AGBL5: variants seen among roughly 807,000 people sequenced by gnomAD.
AGBL5 encodes the protein cytosolic carboxypeptidase-like protein 5.
Under a neutral mutation model 88.0 loss-of-function variants are expected in AGBL5, and 51 were observed. The ratio of observed to expected loss-of-function variants is 0.58; its 90% CI spans 0.46 to 0.73. AGBL5 has a LOEUF of 0.73. AGBL5 is among the 30% of genes least tolerant of loss of function. AGBL5 has a pLI of 0.00. For synonymous variants in AGBL5, 446 were observed against 438.8 expected (o/e 1.02, Z -0.21); for missense variants, 1,031 against 1,162.2 (o/e 0.89, Z 1.64).
At chr2:27,061,472 T>C (rs570439500) in intron 11 of AGBL5, among the ~76,000 whole-genome samples, 1 of 152,192 alleles carries the variant, frequency 6.6e-6, no homozygotes, top group South Asian at 2.1e-4. Context: ...CCTGACCTCG[T>C]GATCGCCTGC....
chr2:27,059,514 A>G (rs372094577), intron 11 of AGBL5, 110 bp downstream of exon 11: 4 of 1,551,518 alleles, frequency 2.6e-6, no homozygotes, highest in Non-Finnish European at 2.6e-6. Context: ...GGGTGAATCA[A>G]TAAAATTAGT....
intron 9 of AGBL5, 103 bp from the exon 10 acceptor site, chr2:27,058,297 A>G (rs981410401): frequency 1.5e-6 from 2 of 1,330,376 alleles, no homozygotes; most frequent in African/African-American, 1.4e-5. Context: ...AGCAAATTAT[A>G]GGTCTGGCCC....
rs541255390 is a variant in AGBL5 at position 27,070,362 on chromosome 2, C to T, written c.*99C>T. On this transcript the variant is annotated 3_prime_UTR_variant, in exon 15 of 15. Transcript: ENST00000360131. ...CAGGCCGCTGATTCCATGTGACAGCCGTTAAGTCCTTGGAATGCCAGCCAC... is the reference window on the plus strand; with the variant it reads ...CAGGCCGCTGATTCCATGTGACAGCTGTTAAGTCCTTGGAATGCCAGCCAC... 1.8e-4 allele frequency: 240 copies of T among 1,303,696 alleles called. No homozygotes were observed. Among genetic ancestry groups the T allele is most frequent in the Non-Finnish European group, 2.5e-4 (229 of 918,194 alleles). The allele number at this position is 1,303,696 out of a possible 1,614,324, so 80.8% of individuals were successfully genotyped here.
In AGBL5 at chr2:27,055,508, G is replaced by C. The variant is rs1347830681; in HGVS notation, c.909-174G>C. The C allele has an allele frequency of 5.0e-6, 4 of 802,036 alleles. No homozygotes were observed. In the East Asian group the frequency reaches 8.0e-5, roughly 16 times the overall value. The allele number at this position is 802,036 out of a possible 1,614,324, so 49.7% of individuals were successfully genotyped here. On this transcript the variant is annotated intron_variant, in intron 6 of 14. Transcript: ENST00000360131. ...TGAGGAAGCTCCTTAGGGTTCTATG[G>C]TAAGGGTGACAGCAGATCAAAGAGA... is the stretch of plus-strand genomic sequence containing the variant.
intron 11 of AGBL5, among the ~76,000 whole-genome samples, chr2:27,064,975 G>T (rs1346846755): frequency 3.3e-5 from 5 of 150,722 alleles, no homozygotes; most frequent in Non-Finnish European, 7.4e-5. Context: ...GGCTGGTCTC[G>T]AACTCCCGAA....
chr2:27,070,222 G>C lies in AGBL5; in HGVS notation c.2620G>C (p.Val874Leu), dbSNP rs761640298. 3 of 1,614,140 alleles carry C rather than the reference G, an allele frequency of 1.9e-6. No individual in the cohort carries two copies. The highest frequency in any genetic ancestry group is 3.3e-4 in the Middle Eastern group (2 of 6,062). Residue 874 changes from valine to leucine, a missense_variant, in exon 15 of 15, where the codon GTC becomes CTC. Transcript: ENST00000360131. ...CTTGGGCCAACCTGAGGTTTGTTTT[G>C]TCCCTAAATCTCCCCCACTGACTGT... ...GPLGQPEVCF[V>L]PKSPPLTVSP...
In AGBL5 at chr2:27,053,385, C is replaced by G. The variant is rs749598774; in HGVS notation, c.216-17C>G. On this transcript the variant is annotated splice_polypyrimidine_tract_variant and intron_variant, in intron 2 of 14. Transcript: ENST00000360131. The surrounding 1 kb of genome is among the most constrained non-coding windows in gnomAD (Gnocchi z 4.9). Reference sequence around the variant, plus strand: ...CCCTTCCACACGTAATGACCTCTCTCTTACTCTGGTCCTCAGGTCATGGTT... The same window carrying G: ...CCCTTCCACACGTAATGACCTCTCTGTTACTCTGGTCCTCAGGTCATGGTT... 1.5e-5 allele frequency: 25 copies of G among 1,613,006 alleles called. No homozygotes were observed. The East Asian group carries it at 5.6e-4, about 36-fold the overall frequency.
chr2:27,055,607 C>G, intron 6 of AGBL5, 75 bp from the exon 7 acceptor site: 1 of 1,367,154 alleles, frequency 7.3e-7, no homozygotes, highest in Non-Finnish European at 1.0e-6. Flanking sequence ...CCTACGGTCT[C>G]CTTTTCATCT....
At chr2:27,051,366 G>C (rs1052065372), upstream of AGBL5, 8 of 152,234 alleles carry the variant, frequency 5.3e-5, no homozygotes, top group African/African-American at 1.9e-4. Context: ...TTTCATTTTA[G>C]AGACACAAGA....
intron 12 of AGBL5, chr2:27,067,925 G>A (rs1669076994): frequency 2.1e-6 from 1 of 480,700 alleles, no homozygotes; most frequent in Admixed American, 3.3e-5. Flanking sequence ...TTGTCTACCT[G>A]CAAAATGCTA....
At chr2:27,054,325 C>G (rs570638772) in intron 4 of AGBL5, 1 of 552,726 alleles carries the variant, frequency 1.8e-6, no homozygotes, top group African/African-American at 1.9e-5. Flanking sequence ...CAGAGTTTAG[C>G]CAGCATTATG....
chr2:27,068,588 C>T (rs1213116916), intron 12 of AGBL5, 44 bp from the exon 13 acceptor site: 2 of 1,568,494 alleles, frequency 1.3e-6, no homozygotes, highest in South Asian at 1.1e-5. Flanking sequence ...GTTACCTCCT[C>T]TTCTCTGTGA....
At chr2:27,056,498 T>G in intron 7 of AGBL5, 125 bp from the exon 8 acceptor site, 1 of 844,258 alleles carries the variant, frequency 1.2e-6, no homozygotes, top group Non-Finnish European at 1.8e-6. Flanking sequence ...GCAGCACTGA[T>G]TACTGTTAAT....
In AGBL5 at chr2:27,053,361, C is replaced by T; in HGVS notation, c.216-41C>T. ...CTCTCCCACAGACCATATCTCCAAC[C>T]CTTCCACACGTAATGACCTCTCTCT... is the stretch of plus-strand genomic sequence containing the variant. On this transcript the variant is annotated intron_variant, in intron 2 of 14. Transcript: ENST00000360131. The surrounding 1 kb of genome is among the most constrained non-coding windows in gnomAD (Gnocchi z 4.9). 3.1e-6 allele frequency: 5 copies of T among 1,600,370 alleles called. No homozygotes were observed. The highest frequency in any genetic ancestry group is 1.7e-4 in the Middle Eastern group (1 of 5,994).
chr2:27,068,346 G>A (rs1327219162), intron 12 of AGBL5, among the ~76,000 whole-genome samples: 1 of 152,188 alleles, frequency 6.6e-6, no homozygotes, highest in Non-Finnish European at 1.5e-5. Flanking sequence ...TGGACCACCA[G>A]ACTAGAGCCT....
In AGBL5 at chr2:27,055,754, T is replaced by C; in HGVS notation, c.981T>C (p.Tyr327=). The C allele has an allele frequency of 6.2e-7, 1 of 1,614,202 alleles. No individual in the cohort carries two copies. Among genetic ancestry groups the C allele is most frequent in the Non-Finnish European group, 8.5e-7 (1 of 1,180,032 alleles). ...KPDAVLHPAI[Y]GAKAVLLYHH... ...ATGCCGTCCTGCACCCGGCCATCTATGGGGCCAAAGCTGTGCTTCTCTACC... is the reference window on the plus strand; with the variant it reads ...ATGCCGTCCTGCACCCGGCCATCTACGGGGCCAAAGCTGTGCTTCTCTACC... Residue 327 remains tyrosine, a synonymous_variant, in exon 7 of 15, where the codon TAT becomes TAC. Coordinates refer to ENST00000360131, the MANE Select transcript of AGBL5 (RefSeq NM_021831.6).
At chr2:27,055,386 A>C in intron 6 of AGBL5, 133 bp downstream of exon 6, 2 of 1,249,116 alleles carry the variant, frequency 1.6e-6, no homozygotes, top group Non-Finnish European at 2.2e-6. Context: ...AGCCCATCTC[A>C]TCTTCCTGAG....
chr2:27,062,203 A>G (rs1489007110), intron 11 of AGBL5, among the ~76,000 whole-genome samples: 1 of 147,104 alleles, frequency 6.8e-6, no homozygotes, highest in African/African-American at 2.5e-5. Context: ...GGCTCACCAC[A>G]ACCTCCTCCT....
Position 27,055,690 on chromosome 2 carries a change from C to CA in AGBL5, c.918dup (p.Arg307ThrfsTer13). On this transcript the variant is annotated frameshift_variant, in exon 7 of 15. Transcript: ENST00000360131. LOFTEE classifies it high-confidence loss of function. ...TCCTTGTTTTCCTACAGCACAGACT[C>CA]ACGTGGAGTGAATCTGAACCGTCAG... is the stretch of plus-strand genomic sequence containing the variant. 1 of 1,612,978 alleles carries CA rather than the reference C, an allele frequency of 6.2e-7. No individual in the cohort carries two copies. Among genetic ancestry groups the CA allele is most frequent in the Non-Finnish European group, 8.5e-7 (1 of 1,179,296 alleles).
Sources: gnomAD v4.1 joint callset for allele counts (sites outside exome capture counted in the v4.1 genomes callset) on GRCh38, gnomAD v4.1.1 for gene constraint, Gnocchi (gnomAD v3.1) non-coding constraint, MANE v1.5 for transcripts, NCBI Gene and HGNC (gene_info 2026-07-23, HGNC 2026-07-21) for gene names.